TENM2: variants seen among roughly 807,000 people sequenced by gnomAD.
The protein encoded by TENM2 is teneurin transmembrane protein 2, also known as teneurin-2.
In TENM2, 52 loss-of-function variants were observed where a neutral mutation model predicts 245.2. That is an observed-to-expected ratio of 0.21 (90% CI 0.17 to 0.27). The LOEUF is 0.27. TENM2 is among the 10% of genes least tolerant of loss of function. The pLI is 1.00. For missense variants in TENM2, 3,046 were observed against 3,666.8 expected (o/e 0.83, Z 4.37); for synonymous variants, 1,363 against 1,438.9 (o/e 0.95, Z 1.19).
At chr5:167,862,929 TA>T (rs201720424) in intron 2 of TENM2, among the ~76,000 whole-genome samples, 2,946 of 152,340 alleles carry the variant, frequency 0.019, 79 homozygotes, top group African/African-American at 0.067. Context: ...ATCTTGACAC[TA>T]CTACCATTTC....
the TENM2 span, among the ~76,000 whole-genome samples, chr5:167,193,384 G>A: frequency 6.6e-6 from 1 of 151,860 alleles, no homozygotes; most frequent in African/African-American, 2.4e-5. Context: ...CTTAGGCAGG[G>A]GATATCTTTG....
At chr5:168,041,049 C>G (rs907602771) in intron 5 of TENM2, among the ~76,000 whole-genome samples, 16 of 152,178 alleles carry the variant, frequency 1.1e-4, no homozygotes, top group Admixed American at 8.5e-4. Flanking sequence ...TATAGCCTAC[C>G]TGTCCTGTTC....
At chr5:168,236,531 G>A (rs1189358181) in intron 25 of TENM2, among the ~76,000 whole-genome samples, 3 of 152,022 alleles carry the variant, frequency 2.0e-5, no homozygotes, top group African/African-American at 2.4e-5. Flanking sequence ...ACTGAGCAGC[G>A]CTTTCTCTGG....
intron 13 of TENM2, among the ~76,000 whole-genome samples, chr5:168,167,085 C>T (rs1758369107): frequency 6.6e-6 from 1 of 152,096 alleles, no homozygotes; most frequent in African/African-American, 2.4e-5. Context: ...GAGAGATCTT[C>T]ACTTGAACTG....
At chr5:168,229,522 A>AAACT (rs1271873240) in intron 25 of TENM2, 2 of 126,632 alleles carry the variant, frequency 1.6e-5, no homozygotes, top group African/African-American at 9.8e-5. Flanking sequence ...TCATAAGTAA[A>AAACT]AACTAATAAA....
In TENM2 at chr5:167,667,294, G is replaced by A. The variant is rs1015013138; in HGVS notation, c.503-208692G>A. Among the ~76,000 whole-genome samples the A allele has an allele frequency of 2.0e-5, 3 of 152,250 alleles. No individual in the cohort carries two copies. The South Asian group carries it at 6.2e-4, about 32-fold the overall frequency. On this transcript the variant is annotated intron_variant, in intron 2 of 28. Transcript: ENST00000518659. ...GGTGTTGGCCGTATTTGCCCTTGAA[G>A]TTTCATTAGGCTTCATCTTCAAGCA... is the stretch of plus-strand genomic sequence containing the variant.
At chr5:167,266,122 C>A in the TENM2 span, among the ~76,000 whole-genome samples, 1 of 152,266 alleles carries the variant, frequency 6.6e-6, no homozygotes, top group Non-Finnish European at 1.5e-5. Flanking sequence ...AATTGAGCCT[C>A]TTCTTTCGGC....
chr5:167,910,509 CA>C (rs1561924355), intron 3 of TENM2, among the ~76,000 whole-genome samples: 1 of 151,946 alleles, frequency 6.6e-6, no homozygotes, highest in African/African-American at 2.4e-5. Context: ...AAAAAGAAAA[CA>C]AAAAAACAAA....
intron 2 of TENM2, among the ~76,000 whole-genome samples, chr5:167,668,094 G>A (rs900237197): frequency 1.3e-5 from 2 of 152,132 alleles, no homozygotes; most frequent in African/African-American, 4.8e-5. Flanking sequence ...ATAATCTGGT[G>A]TTCTCACCTT....
At chr5:168,204,969 G>A (rs1418024710) in intron 19 of TENM2, among the ~76,000 whole-genome samples, 2 of 152,198 alleles carry the variant, frequency 1.3e-5, no homozygotes, top group African/African-American at 4.8e-5. Context: ...GTTGTATTGA[G>A]CACCTCTATC....
At chr5:167,996,800 A>G (rs541009198) in intron 5 of TENM2, among the ~76,000 whole-genome samples, 18 of 152,210 alleles carry the variant, frequency 1.2e-4, no homozygotes, top group African/African-American at 3.6e-4. Flanking sequence ...GTGCAGTAGC[A>G]TGATCTCGGC....
chr5:168,228,902 ATAT>A (rs755781316), intron 25 of TENM2, among the ~76,000 whole-genome samples: 15 of 147,982 alleles, frequency 1.0e-4, no homozygotes, highest in South Asian at 2.1e-4. Flanking sequence ...TTACATTTTT[ATAT>A]TATAATGTAA....
intron 2 of TENM2, among the ~76,000 whole-genome samples, chr5:167,559,466 A>G (rs1206720101): frequency 1.3e-5 from 2 of 152,192 alleles, no homozygotes; most frequent in Admixed American, 6.5e-5. Context: ...TGCTTTAGGA[A>G]TGTTTATTAC....
At chr5:167,346,003 C>A (rs2127827215) in intron 1 of TENM2, among the ~76,000 whole-genome samples, 1 of 151,930 alleles carries the variant, frequency 6.6e-6, no homozygotes, top group Admixed American at 6.6e-5. Context: ...GTAAATACGA[C>A]CTAAGGAAAC....
rs371507310 is a variant in TENM2, at chr5:167,550,521, G to A, written c.502+175048G>A. Among the ~76,000 whole-genome samples the A allele has an allele frequency of 2.3e-4, 35 of 152,120 alleles. No individual in the cohort carries two copies. The East Asian group carries it at 5.0e-3, about 22-fold the overall frequency. On this transcript the variant is annotated intron_variant, in intron 2 of 28. Transcript: ENST00000518659. The stretch of plus-strand genomic sequence containing the variant: ...GGAATCTCATTATGCAGACATCTTC[G>A]CACACCCCTCCTGCATCCAAGAATT...
At chr5:167,800,217 T>C (rs1233193015) in intron 2 of TENM2, among the ~76,000 whole-genome samples, 2 of 152,212 alleles carry the variant, frequency 1.3e-5, no homozygotes, top group Non-Finnish European at 2.9e-5. Flanking sequence ...ACAGATGTCA[T>C]CTAGGAATTT....
chr5:167,054,264 C>T, the TENM2 span, among the ~76,000 whole-genome samples: 10 of 152,136 alleles, frequency 6.6e-5, no homozygotes, highest in African/African-American at 1.9e-4. Flanking sequence ...ATTTCTTCAG[C>T]GTTGTATAGT....
intron 2 of TENM2, among the ~76,000 whole-genome samples, chr5:167,652,599 C>CTA (rs5873052): frequency 0.89 from 135,523 of 151,978 alleles, 60,589 homozygotes; most frequent in African/African-American, 0.94. Context: ...CACCAAGCAA[C>CTA]TAGCTTCTGA....
chr5:167,449,172 T>C (rs1431127083), intron 2 of TENM2, among the ~76,000 whole-genome samples: 1 of 152,214 alleles, frequency 6.6e-6, no homozygotes, highest in African/African-American at 2.4e-5. Flanking sequence ...ATTTCCTTGC[T>C]GCTTTTCCTG....
Sources: allele counts gnomAD v4.1 joint callset (sites outside exome capture counted in the v4.1 genomes callset), GRCh38; gene constraint gnomAD v4.1.1; transcripts MANE v1.5; gene names NCBI Gene and HGNC (gene_info 2026-07-23, HGNC 2026-07-21).